Variants in ATP6V1B1 observed in about 807,000 individuals in gnomAD.
ATP6V1B1 encodes V-type proton ATPase subunit B, kidney isoform.
In ATP6V1B1, 41 loss-of-function variants were observed where a neutral mutation model predicts 62.1. The observed-to-expected ratio is 0.66, with a 90% CI of 0.51 to 0.86. ATP6V1B1 has a LOEUF of 0.86. Ranked by LOEUF, ATP6V1B1 falls within the 40% of genes least tolerant of loss-of-function variation. The pLI is 0.00. For synonymous variants in ATP6V1B1, 253 were observed against 273.4 expected (o/e 0.93, Z 0.74); for missense variants, 651 against 697.5 (o/e 0.93, Z 0.75).
In ATP6V1B1 at chr2:70,936,823, C is replaced by T. The variant is rs530646249; in HGVS notation, c.118+751C>T. On this transcript the variant is annotated intron_variant, in intron 1 of 13. Transcript: ENST00000234396. ...TGTGTGTACAGCTGGGATAAGAATG[C>T]GTATCCAGGTGTGGGGCATGGAAGT... Among the ~76,000 whole-genome samples the T allele has an allele frequency of 1.1e-4, 16 of 152,222 alleles. 1 individual carries two copies. In the East Asian group the frequency reaches 2.3e-3, roughly 22 times the overall value.
At chr2:70,947,925 C>A (rs1680224622) in intron 2 of ATP6V1B1, among the ~76,000 whole-genome samples, 1 of 152,182 alleles carries the variant, frequency 6.6e-6, no homozygotes, top group Admixed American at 6.5e-5. Context: ...GACTAGCTAT[C>A]CCCCACGGGA....
At position 70,963,926 on chromosome 2, in the gene ATP6V1B1, C is replaced by A; in HGVS notation, c.1143+272C>A. The A allele has an allele frequency of 1.8e-6, 1 of 546,220 alleles. No individual in the cohort carries two copies. 33.8% of individuals were successfully genotyped at this position (546,220 alleles called of 1,614,324 possible). A position where few individuals can be genotyped will look rare whatever the true frequency, so the allele number is the denominator to read the frequency against. ...AATGGGAATAATCAAATATATCACC[C>A]AGACGCATTGTGGAGGATAAAAATA... On this transcript the variant is annotated intron_variant, in intron 11 of 13. Coordinates refer to ENST00000234396, the MANE Select transcript of ATP6V1B1 (RefSeq NM_001692.4). This position sits in a 1 kb window ranked among gnomAD's most constrained non-coding sequence, Gnocchi z 4.3.
In ATP6V1B1 at chr2:70,964,729, C is replaced by T. The variant is rs1680678576; in HGVS notation, c.1249-7C>T. ...CAGCGGCCACCGACGCCTTGCCCCT[C>T]CCCCAGTACGCCTGCTATGCCATCG... is the stretch of plus-strand genomic sequence containing the variant. On this transcript the variant is annotated splice_region_variant and splice_polypyrimidine_tract_variant and intron_variant, in intron 12 of 13. Coordinates refer to ENST00000234396, the MANE Select transcript of ATP6V1B1 (RefSeq NM_001692.4). 6.2e-7 allele frequency: 1 copy of T among 1,613,470 alleles called. No individual in the cohort carries two copies. Among genetic ancestry groups the T allele is most frequent in the Non-Finnish European group, 8.5e-7 (1 of 1,179,956 alleles).
intron 2 of ATP6V1B1, among the ~76,000 whole-genome samples, chr2:70,953,814 G>A (rs1553418618): frequency 1.3e-5 from 2 of 152,142 alleles, no homozygotes; most frequent in Non-Finnish European, 2.9e-5. Flanking sequence ...AAAACTATCT[G>A]GGATTGCTAT....
In ATP6V1B1 at chr2:70,961,013, A is replaced by T. The variant is rs782055501; in HGVS notation, c.678A>T (p.Ala226=). 5 of 1,586,266 alleles carry T rather than the reference A, an allele frequency of 3.2e-6. No individual in the cohort carries two copies. Among genetic ancestry groups the T allele is most frequent in the Non-Finnish European group, 4.3e-6 (5 of 1,165,988 alleles). The change falls in exon 7 of 14, where the codon GCA becomes GCT. Residue 226 remains alanine (A), a synonymous_variant. Coordinates refer to ENST00000234396, the MANE Select transcript of ATP6V1B1 (RefSeq NM_001692.4). ...YHDDNFAIVF[A]AMGVNMETAR... The stretch of plus-strand genomic sequence containing the variant: ...ACGACAACTTCGCCATCGTCTTTGC[A>T]GCCATGGGGGTGAGGAGACTTAGTA...
chr2:70,964,984 G>A lies in ATP6V1B1; in HGVS notation c.1405G>A (p.Glu469Lys), dbSNP rs140980255. 1.9e-6 allele frequency: 3 copies of A among 1,613,772 alleles called. No homozygotes were observed. The highest frequency in any genetic ancestry group is 2.5e-6 in the Non-Finnish European group (3 of 1,180,034). ...CCCCTACGAGAACCGCTCGGTGTTC[G>A]AGTCGCTGGACCTGGGCTGGAAGCT... The part of the protein sequence containing the change: ...QGPYENRSVF[E>K]SLDLGWKLLR... Residue 469 changes from glutamate (E) to lysine (K), a missense_variant, in exon 14 of 14, where the codon GAG becomes AAG. Physicochemically the swap from Glu to Lys is moderately conservative, Grantham distance 56. Transcript: ENST00000234396.
chr2:70,942,040 T>C, intron 1 of ATP6V1B1: 1 of 1,121,200 alleles, frequency 8.9e-7, no homozygotes, highest in Non-Finnish European at 1.1e-6. Flanking sequence ...TATTTTGTAC[T>C]GGAAACATCA....
chr2:70,941,276 G>A (rs923999406), intron 1 of ATP6V1B1: 26 of 985,176 alleles, frequency 2.6e-5, no homozygotes, highest in African/African-American at 1.2e-4. Flanking sequence ...GGGACACAAC[G>A]ATGAGCACCA....
chr2:70,964,622 C>G (rs1553420728), intron 12 of ATP6V1B1, 80 bp downstream of exon 12: 1 of 1,610,878 alleles, frequency 6.2e-7, no homozygotes, highest in East Asian at 2.2e-5. Flanking sequence ...GAAGGACAAG[C>G]TTTTCTCCTG....
At chr2:70,942,069 A>G in intron 1 of ATP6V1B1, 1 of 1,126,824 alleles carries the variant, frequency 8.9e-7, no homozygotes, top group Non-Finnish European at 1.1e-6. Flanking sequence ...TGGGAAGACA[A>G]GAGAGGGAGA....
chr2:70,955,773 T>A (rs1680419360), intron 2 of ATP6V1B1: 3 of 152,294 alleles, frequency 2.0e-5, no homozygotes, highest in Admixed American at 2.0e-4. Flanking sequence ...ACAAATCTGC[T>A]TTGCAGTGAA....
chr2:70,961,398 A>C (rs1680583920), intron 7 of ATP6V1B1, among the ~76,000 whole-genome samples, 198 bp from the exon 8 acceptor site: 1 of 152,204 alleles, frequency 6.6e-6, no homozygotes, highest in Non-Finnish European at 1.5e-5. Context: ...GGATCTGACA[A>C]GGCCCTATGA....
intron 1 of ATP6V1B1, among the ~76,000 whole-genome samples, chr2:70,937,297 A>G (rs914846612): frequency 5.3e-5 from 8 of 152,044 alleles, no homozygotes; most frequent in Non-Finnish European, 8.8e-5. Flanking sequence ...CTCAGAGGGT[A>G]GCTGAGGGGT....
At position 70,963,526 on chromosome 2, in the gene ATP6V1B1, A is replaced by T. The variant is rs1553420498; in HGVS notation, c.1061-46A>T. 3 of 1,590,544 alleles carry T rather than the reference A, an allele frequency of 1.9e-6. No individual in the cohort carries two copies. In the South Asian group the frequency reaches 3.3e-5, roughly 18 times the overall value. On this transcript the variant is annotated intron_variant, in intron 10 of 13. Coordinates refer to ENST00000234396, the MANE Select transcript of ATP6V1B1 (RefSeq NM_001692.4). The surrounding 1 kb of genome is among the most constrained non-coding windows in gnomAD (Gnocchi z 4.3). ...ACCCCAGGTGGCCCTGAGTGGTTGG[A>T]GACCTGGGCCCCCACCCACACTGAG... is the stretch of plus-strand genomic sequence containing the variant.
intron 2 of ATP6V1B1, among the ~76,000 whole-genome samples, chr2:70,956,523 A>C (rs568134508): frequency 5.8e-4 from 89 of 152,356 alleles, no homozygotes; most frequent in African/African-American, 2.0e-3. Context: ...TGCTTTCCAA[A>C]GTGGCTGCAC....
chr2:70,939,680 C>T (rs1315887997), intron 1 of ATP6V1B1: 2 of 152,204 alleles, frequency 1.3e-5, no homozygotes, highest in Non-Finnish European at 2.9e-5. Flanking sequence ...ATCAGGCTGG[C>T]TTAACAGGGG....
chr2:70,944,899 C>T (rs1680118354), intron 2 of ATP6V1B1, among the ~76,000 whole-genome samples: 1 of 152,084 alleles, frequency 6.6e-6, no homozygotes. Flanking sequence ...GATCTCTTGA[C>T]CTGGTGATCC....
chr2:70,959,150 A>C lies in ATP6V1B1; in HGVS notation c.445+55A>C. On this transcript the variant is annotated intron_variant, in intron 5 of 13. Transcript: ENST00000234396. This position sits in a 1 kb window ranked among gnomAD's most constrained non-coding sequence, Gnocchi z 4.2. ...GGGACCCAGCCCTAACACCTTCCCC[A>C]CTCTTGGAAGTTCTGCCCAGACTCA... The C allele has an allele frequency of 6.3e-7, 1 of 1,575,572 alleles. No homozygotes were observed. The highest frequency in any genetic ancestry group is 8.7e-7 in the Non-Finnish European group (1 of 1,146,446).
chr2:70,943,568 G>C, intron 1 of ATP6V1B1, 90 bp from the exon 2 acceptor site: 1 of 1,358,476 alleles, frequency 7.4e-7, no homozygotes, highest in Non-Finnish European at 1.0e-6. Context: ...GGTGGGGTGT[G>C]GAGAGAGGAA....
Sources: allele counts gnomAD v4.1 joint callset (sites outside exome capture counted in the v4.1 genomes callset), GRCh38; gene constraint gnomAD v4.1.1; non-coding constraint Gnocchi (gnomAD v3.1); transcripts MANE v1.5; gene names NCBI Gene and HGNC (gene_info 2026-07-23, HGNC 2026-07-21).